Variants in TMEFF2 observed in about 807,000 individuals in gnomAD.
TMEFF2 encodes the protein tomoregulin-2.
Under a neutral mutation model 53.8 loss-of-function variants are expected in TMEFF2, and 28 were observed. That is an observed-to-expected ratio of 0.52 (90% CI 0.39 to 0.71). The LOEUF is 0.71. Among genes scored for constraint, TMEFF2 ranks in the 30% least tolerant of loss-of-function variants. TMEFF2 has a pLI of 0.00. For missense variants in TMEFF2, 353 were observed against 455.2 expected (o/e 0.78, Z 2.04); for synonymous variants, 162 against 166.3 (o/e 0.97, Z 0.20).
chr2:192,054,167 T>C (rs1687845215), intron 5 of TMEFF2, among the ~76,000 whole-genome samples: 1 of 151,204 alleles, frequency 6.6e-6, no homozygotes, highest in South Asian at 2.1e-4. Context: ...CTTGTCCCTA[T>C]GCTGGGGGCA....
chr2:192,039,941 C>T (rs1242526500), intron 5 of TMEFF2, among the ~76,000 whole-genome samples: 1 of 151,948 alleles, frequency 6.6e-6, no homozygotes, highest in Non-Finnish European at 1.5e-5. Flanking sequence ...AATGATATGC[C>T]TGGATACCAG....
chr2:192,078,124 A>G (rs1688475371), intron 4 of TMEFF2, among the ~76,000 whole-genome samples: 1 of 152,194 alleles, frequency 6.6e-6, no homozygotes, highest in Non-Finnish European at 1.5e-5. Flanking sequence ...AGCCAATGGC[A>G]TAATTAAAAA....
At chr2:192,014,969 T>C (rs900409740) in intron 5 of TMEFF2, among the ~76,000 whole-genome samples, 6 of 152,220 alleles carry the variant, frequency 3.9e-5, no homozygotes, top group African/African-American at 1.4e-4. Context: ...TTCCAGAGCC[T>C]AGTACTCATA....
rs547851491 is a variant in TMEFF2 at position 192,112,639 on chromosome 2, G to A, written c.440-54864C>T. On this transcript the variant is annotated intron_variant, in intron 4 of 9. Transcript: ENST00000272771. ...AGGAAGGCATGATTGGTTTTGAAAC[G>A]TGAGAACATGAGATTTGGGAGGGTC... Among the ~76,000 whole-genome samples the A allele has an allele frequency of 3.9e-5, 6 of 152,276 alleles. No homozygotes were observed. The East Asian group carries it at 5.8e-4, about 15-fold the overall frequency.
At chr2:192,009,258 C>T (rs546202470) in intron 5 of TMEFF2, among the ~76,000 whole-genome samples, 4 of 151,986 alleles carry the variant, frequency 2.6e-5, no homozygotes, top group African/African-American at 9.7e-5. Flanking sequence ...TGTGATTGTG[C>T]GTGTGTGTAT....
intron 4 of TMEFF2, among the ~76,000 whole-genome samples, chr2:192,151,660 A>C: frequency 6.6e-6 from 1 of 152,012 alleles, no homozygotes. Flanking sequence ...GAACCAGAGA[A>C]GTAAATTGTT....
At chr2:191,977,620 G>A (rs781153866) in intron 7 of TMEFF2, among the ~76,000 whole-genome samples, 3 of 152,034 alleles carry the variant, frequency 2.0e-5, no homozygotes, top group Non-Finnish European at 4.4e-5. Flanking sequence ...TCTTAGAAAT[G>A]GATTTTTTGT....
chr2:192,124,919 G>A (rs2105970170), intron 4 of TMEFF2, among the ~76,000 whole-genome samples: 2 of 152,082 alleles, frequency 1.3e-5, no homozygotes. Context: ...AAACTGTTTT[G>A]CCTCTTGTCC....
At position 191,953,780 on chromosome 2, in the gene TMEFF2, G is replaced by A. The variant is rs141378622; in HGVS notation, c.927C>T (p.Tyr309=). 18 of 1,612,762 alleles carry A rather than the reference G, an allele frequency of 1.1e-5. No individual in the cohort carries two copies. The highest frequency in any genetic ancestry group is 1.7e-5 in the Admixed American group (1 of 59,928). The change falls in exon 9 of 10, where the codon TAC becomes TAT. Residue 309 remains tyrosine, a synonymous_variant. Transcript: ENST00000272771. ...HCEKKDYSVL[Y]VVPGPVRFQY... The stretch of plus-strand genomic sequence containing the variant: ...GAAATCGTACAGGACCGGGAACAAC[G>A]TATAGAACACTGTAGTCCTTTTTTT...
chr2:191,956,337 T>G lies in TMEFF2; in HGVS notation c.787A>C (p.Ile263Leu). ...CCATTGTAATGTTCCGGACAAGGTA[T>G]GTGGTGTTCTCTGGCACTTTCTTCT... is the stretch of plus-strand genomic sequence containing the variant. Reference protein sequence around the residue: ...KLEESAREHHIPCPEHYNGFC... With the variant: ...KLEESAREHHLPCPEHYNGFC... The change falls in exon 8 of 10, where the codon ATA becomes CTA. Residue 263 changes from isoleucine (I) to leucine (L), a missense_variant. Coordinates refer to ENST00000272771, the MANE Select transcript of TMEFF2 (RefSeq NM_016192.4). 3.1e-6 allele frequency: 5 copies of G among 1,613,994 alleles called. No individual in the cohort carries two copies. Among genetic ancestry groups the G allele is most frequent in the Non-Finnish European group, 4.2e-6 (5 of 1,179,938 alleles).
chr2:192,167,186 C>A (rs4644972), intron 4 of TMEFF2, among the ~76,000 whole-genome samples: 1 of 151,982 alleles, frequency 6.6e-6, no homozygotes, highest in African/African-American at 2.4e-5. Flanking sequence ...TTTGTCTTAT[C>A]TGGCAAGAAC....
chr2:191,970,148 G>A (rs1228781524), intron 7 of TMEFF2, among the ~76,000 whole-genome samples: 5 of 152,028 alleles, frequency 3.3e-5, no homozygotes, highest in Non-Finnish European at 7.4e-5. Context: ...TTTCCGTGTT[G>A]TCCCTCTATT....
chr2:191,983,493 C>A (rs1031104439), intron 7 of TMEFF2, among the ~76,000 whole-genome samples: 1 of 151,558 alleles, frequency 6.6e-6, no homozygotes, highest in African/African-American at 2.4e-5. Flanking sequence ...ACTTTAGTCA[C>A]CTAAAAGCAC....
chr2:192,040,696 T>C (rs1264831115), intron 5 of TMEFF2, among the ~76,000 whole-genome samples: 1 of 152,068 alleles, frequency 6.6e-6, no homozygotes, highest in East Asian at 1.9e-4. Context: ...AAAGAAACCA[T>C]AGAAACCTTA....
chr2:192,174,172 C>A (rs577561826), intron 4 of TMEFF2, among the ~76,000 whole-genome samples: 7 of 151,828 alleles, frequency 4.6e-5, no homozygotes, highest in African/African-American at 1.4e-4. Flanking sequence ...GATTAACTTT[C>A]TTTTCCTATA....
rs1485161242 is a variant in TMEFF2, at chr2:192,057,698, C to T, written c.517G>A (p.Glu173Lys). ...DICQFGAECD[E>K]DAEDVWCVCN... ...TATTACCAGACATCCTCGGCATCTT[C>T]GTCACATTCTGCACCAAACTGGCAA... Residue 173 changes from glutamate to lysine, a missense_variant, in exon 5 of 10, where the codon GAA becomes AAA. Physicochemically the swap from Glu to Lys is moderately conservative, Grantham distance 56. This residue lies in a region of TMEFF2 where 294 missense variants were observed against 397.3 expected (regional missense o/e 0.74). Transcript: ENST00000272771. 2.5e-6 allele frequency: 4 copies of T among 1,613,954 alleles called. No individual in the cohort carries two copies. The highest frequency in any genetic ancestry group is 1.7e-6 in the Non-Finnish European group (2 of 1,179,856).
chr2:192,063,583 G>A (rs1688098711), intron 4 of TMEFF2, among the ~76,000 whole-genome samples: 1 of 151,788 alleles, frequency 6.6e-6, no homozygotes, highest in Non-Finnish European at 1.5e-5. Flanking sequence ...GATGGTTAGT[G>A]TTGTTCAAAT....
intron 7 of TMEFF2, among the ~76,000 whole-genome samples, chr2:191,968,802 G>A (rs1027906453): frequency 6.6e-6 from 1 of 152,164 alleles, no homozygotes; most frequent in African/African-American, 2.4e-5. Context: ...GGAACATTTT[G>A]TGGGACTATT....
chr2:192,074,998 TTTAA>T (rs1377354927), intron 4 of TMEFF2, among the ~76,000 whole-genome samples: 1 of 151,642 alleles, frequency 6.6e-6, no homozygotes, highest in Non-Finnish European at 1.5e-5. Context: ...AACAGAAAAC[TTTAA>T]TTAATAAAAA....
Sources: allele counts gnomAD v4.1 joint callset (sites outside exome capture counted in the v4.1 genomes callset), GRCh38; gene constraint gnomAD v4.1.1; regional missense constraint gnomAD v4.1.1; transcripts MANE v1.5; gene names NCBI Gene and HGNC (gene_info 2026-07-23, HGNC 2026-07-21).